Variants in DRD4 observed in about 807,000 individuals in gnomAD.
The protein encoded by DRD4 is dopamine receptor D4.
DRD4 carries 26 observed loss-of-function variants against 22.1 expected under a neutral mutation model. That is an observed-to-expected ratio of 1.17 (90% CI 0.86 to 1.63). DRD4 has a LOEUF of 1.63. DRD4 is among the 40% of genes most tolerant of loss of function. The pLI is 0.00. For missense variants in DRD4, 913 were observed against 632.4 expected (o/e 1.44, Z -4.76); for synonymous variants, 455 against 306.7 (o/e 1.48, Z -5.05).
chr11:640,310 G>T lies in DRD4; in HGVS notation c.1057+4G>T. ...AGGGTCCTGCCGGTGGTGGTCGGTGGGTTCCTGTCCTGAGGGGCGGGGAGG... is the reference window on the plus strand; with the variant it reads ...AGGGTCCTGCCGGTGGTGGTCGGTGTGTTCCTGTCCTGAGGGGCGGGGAGG... On this transcript the variant is annotated splice_donor_region_variant and intron_variant, in intron 3 of 3. Coordinates refer to ENST00000176183, the MANE Select transcript of DRD4 (RefSeq NM_000797.4). 6.5e-7 allele frequency: 1 copy of T among 1,539,768 alleles called. No homozygotes were observed. The highest frequency in any genetic ancestry group is 2.4e-5 in the East Asian group (1 of 41,592).
At chr11:638,355 G>A (rs773703488) in intron 1 of DRD4, among the ~76,000 whole-genome samples, 3 of 152,180 alleles carry the variant, frequency 2.0e-5, no homozygotes, top group Admixed American at 1.3e-4. Flanking sequence ...AGGCGGCTGG[G>A]GCAGAGACCA....
intron 1 of DRD4, among the ~76,000 whole-genome samples, chr11:638,438 A>G (rs1428062459): frequency 6.6e-6 from 1 of 151,964 alleles, no homozygotes; most frequent in Non-Finnish European, 1.5e-5. Flanking sequence ...TAAGCTCCTA[A>G]TCTCCCCAAA....
In DRD4 at chr11:639,973, G is replaced by T; in HGVS notation, c.724G>T (p.Gly242Cys). The change falls in exon 3 of 4, where the codon GGC (glycine) becomes TGC (cysteine). Residue 242 changes from glycine (G) to cysteine (C), a missense_variant. Physicochemically the swap from Gly to Cys is radical, Grantham distance 159. Coordinates refer to ENST00000176183, the MANE Select transcript of DRD4 (RefSeq NM_000797.4). ...CGCGCCCCGCCGACCCAGCGGCCCTGGCCCGCCTTCCCCCACGCCACCCGC... is the reference window on the plus strand; with the variant it reads ...CGCGCCCCGCCGACCCAGCGGCCCTTGCCCGCCTTCCCCCACGCCACCCGC... Reference protein sequence around the residue: ...GRAPRRPSGPGPPSPTPPAPR... With the variant: ...GRAPRRPSGPCPPSPTPPAPR... The T allele has an allele frequency of 7.2e-7, 1 of 1,393,784 alleles. No homozygotes were observed. Among genetic ancestry groups the T allele is most frequent in the East Asian group, 3.0e-5 (1 of 33,380 alleles). The allele number at this position is 1,393,784 out of a possible 1,614,324, so 86.3% of individuals were successfully genotyped here. A position where few individuals can be genotyped will look rare whatever the true frequency, so the allele number is the denominator to read the frequency against.
rs1406130327 is a variant in DRD4 at position 637,409 on chromosome 11, G to A, written c.105G>A (p.Ala35=). 24 of 1,496,532 alleles carry A rather than the reference G, an allele frequency of 1.6e-5. No homozygotes were observed. Among genetic ancestry groups the A allele is most frequent in the South Asian group, 5.1e-5 (4 of 78,744 alleles). 92.7% of individuals were successfully genotyped at this position (1,496,532 alleles called of 1,614,324 possible). The change falls in exon 1 of 4, where the codon GCG becomes GCA. Residue 35 remains alanine (A), a synonymous_variant. Transcript: ENST00000176183. ...CTGCGGGGCTGGCTGGGCAGGGCGC[G>A]GCGGCGCTGGTGGGGGGCGTGCTGC... ...GASAGLAGQG[A]AALVGGVLLI...
Position 637,393 on chromosome 11 carries a change from T to G in DRD4, c.89T>G (p.Leu30Arg), listed in dbSNP as rs980899955. The G allele has an allele frequency of 2.1e-6, 3 of 1,453,838 alleles. No individual in the cohort carries two copies. In the African/African-American group the frequency reaches 4.4e-5, roughly 22 times the overall value. 90.1% of individuals were successfully genotyped at this position (1,453,838 alleles called of 1,614,324 possible). The change falls in exon 1 of 4, where the codon CTG becomes CGG. Residue 30 changes from leucine (L) to arginine (R), a missense_variant. Coordinates refer to ENST00000176183, the MANE Select transcript of DRD4 (RefSeq NM_000797.4). ...AGASAGASAG[L>R]AGQGAAALVG... is the part of the protein sequence containing the mutation. Reference sequence around the variant, plus strand: ...GCATCTGCGGGGGCATCTGCGGGGCTGGCTGGGCAGGGCGCGGCGGCGCTG... The same window carrying G: ...GCATCTGCGGGGGCATCTGCGGGGCGGGCTGGGCAGGGCGCGGCGGCGCTG...
At chr11:638,529 TGGGCACG>T (rs1306135406) in intron 1 of DRD4, among the ~76,000 whole-genome samples, 1 of 152,226 alleles carries the variant, frequency 6.6e-6, no homozygotes, top group Non-Finnish European at 1.5e-5. Context: ...CGCTGGGCAC[TGGGCACG>T]GTCTTCATAT....
intron 1 of DRD4, 65 bp from the exon 2 acceptor site, chr11:639,368 T>TG (rs12720404): frequency 0.12 from 169,810 of 1,369,974 alleles, 5,084 homozygotes; most frequent in Middle Eastern, 0.21. Context: ...CCCATAAGAG[T>TG]GGGGGCGGGT....
rs201886833 is a variant in DRD4 at position 640,417 on chromosome 11, C to T, written c.1074C>T (p.Cys358=). The T allele has an allele frequency of 6.2e-7, 1 of 1,600,164 alleles. No individual in the cohort carries two copies. The highest frequency in any genetic ancestry group is 8.5e-7 in the Non-Finnish European group (1 of 1,179,692). ...CGCCCCCAGGGGCCTTCCTGCTGTGCTGGACGCCCTTCTTCGTGGTGCACA... is the reference window on the plus strand; with the variant it reads ...CGCCCCCAGGGGCCTTCCTGCTGTGTTGGACGCCCTTCTTCGTGGTGCACA... ...LPVVVGAFLL[C]WTPFFVVHIT... Residue 358 remains cysteine (C), a synonymous_variant, in exon 4 of 4, where the codon TGC becomes TGT. Transcript: ENST00000176183.
chr11:638,244 G>A (rs534444900), intron 1 of DRD4, among the ~76,000 whole-genome samples: 1 of 152,308 alleles, frequency 6.6e-6, no homozygotes, highest in African/African-American at 2.4e-5. Context: ...CAGCCCCTCT[G>A]CGGCCAGAGA....
At chr11:637,642 C>T (rs1858094518) in intron 1 of DRD4, 53 bp downstream of exon 1, 2 of 1,535,520 alleles carry the variant, frequency 1.3e-6, no homozygotes, top group South Asian at 1.2e-5. Flanking sequence ...GGTTCCCCGT[C>T]CCTGTCCCTA....
chr11:639,370 G>C (rs1488246213), intron 1 of DRD4, 63 bp from the exon 2 acceptor site: 13 of 1,363,036 alleles, frequency 9.5e-6, no homozygotes, highest in South Asian at 4.9e-5. Flanking sequence ...CATAAGAGTG[G>C]GGGCGGGTCA....
rs1446886265 is a variant in DRD4 at position 637,274 on chromosome 11, C to T, written c.-31C>T. ...TCCCCGGCTTGCGACCCGGCGTTGT[C>T]CGCGGTGCTCAGCGCCCGCCCGGGC... On this transcript the variant is annotated 5_prime_UTR_variant, in exon 1 of 4. Transcript: ENST00000176183. 1 of 1,171,546 alleles carries T rather than the reference C, an allele frequency of 8.5e-7. No individual in the cohort carries two copies. Among genetic ancestry groups the T allele is most frequent in the Non-Finnish European group, 1.1e-6 (1 of 950,318 alleles). The allele number at this position is 1,171,546 out of a possible 1,614,324, so 72.6% of individuals were successfully genotyped here. A position where few individuals can be genotyped will look rare whatever the true frequency, so the allele number is the denominator to read the frequency against.
chr11:639,633 C>G lies in DRD4; in HGVS notation c.399-15C>G. 2 of 1,421,488 alleles carry G rather than the reference C, an allele frequency of 1.4e-6. No individual in the cohort carries two copies. The highest frequency in any genetic ancestry group is 1.8e-6 in the Non-Finnish European group (2 of 1,086,966). 88.1% of individuals were successfully genotyped at this position (1,421,488 alleles called of 1,614,324 possible). ...GCCTGTGCGCTGTCCGGCGCCCCCT[C>G]GGCGCTCCCCGCAGGTTCGTGGCCG... On this transcript the variant is annotated splice_polypyrimidine_tract_variant and intron_variant, in intron 2 of 3. Coordinates refer to ENST00000176183, the MANE Select transcript of DRD4 (RefSeq NM_000797.4).
intron 1 of DRD4, 142 bp downstream of exon 1, chr11:637,731 C>T (rs1858096688): frequency 7.6e-6 from 11 of 1,449,912 alleles, no homozygotes; most frequent in Admixed American, 2.0e-5. Flanking sequence ...TGCGCCTTGT[C>T]CCTCGGCGAT....
rs1228579181 is a variant in DRD4, at chr11:640,620, C to T, written c.*17C>T. Reference sequence around the variant, plus strand: ...TGCTGCTGAGCCGGGCACCCCCGGACGCCCCCCGGCCTGATGGCCAGGCCT... The same window carrying T: ...TGCTGCTGAGCCGGGCACCCCCGGATGCCCCCCGGCCTGATGGCCAGGCCT... On this transcript the variant is annotated 3_prime_UTR_variant, in exon 4 of 4. Coordinates refer to ENST00000176183, the MANE Select transcript of DRD4 (RefSeq NM_000797.4). 6.3e-7 allele frequency: 1 copy of T among 1,598,782 alleles called. No homozygotes were observed. Among genetic ancestry groups the T allele is most frequent in the Non-Finnish European group, 8.5e-7 (1 of 1,179,734 alleles).
rs1444051755 is a variant in DRD4 at position 639,663 on chromosome 11, C to T, written c.414C>T (p.Ala138=). 6.2e-6 allele frequency: 9 copies of T among 1,463,282 alleles called. No homozygotes were observed. Among genetic ancestry groups the T allele is most frequent in the Non-Finnish European group, 8.1e-6 (9 of 1,111,938 alleles). The allele number at this position is 1,463,282 out of a possible 1,614,324, so 90.6% of individuals were successfully genotyped here. A position where few individuals can be genotyped will look rare whatever the true frequency, so the allele number is the denominator to read the frequency against. The part of the protein sequence containing the change: ...AISVDRFVAV[A]VPLRYNRQGG... ...CTCCCCGCAGGTTCGTGGCCGTGGCCGTGCCGCTGCGCTACAACCGGCAGG... is the reference window on the plus strand; with the variant it reads ...CTCCCCGCAGGTTCGTGGCCGTGGCTGTGCCGCTGCGCTACAACCGGCAGG... Residue 138 remains alanine (A), a synonymous_variant, in exon 3 of 4, where the codon GCC becomes GCT. Transcript: ENST00000176183.
chr11:637,658 G>A (rs1858095042), intron 1 of DRD4, 69 bp downstream of exon 1: 8 of 1,532,452 alleles, frequency 5.2e-6, no homozygotes, highest in African/African-American at 2.7e-5. Flanking sequence ...CCCTACGGAG[G>A]ACCCGGCGCG....
At chr11:638,897 C>T (rs1383465880) in intron 1 of DRD4, among the ~76,000 whole-genome samples, 2 of 152,198 alleles carry the variant, frequency 1.3e-5, no homozygotes, top group Non-Finnish European at 2.9e-5. Context: ...GCCTGGGAAA[C>T]ATACCAGGCC....
At chr11:637,763 C>A (rs1179636491) in intron 1 of DRD4, among the ~76,000 whole-genome samples, 174 bp downstream of exon 1, 1 of 149,766 alleles carries the variant, frequency 6.7e-6, no homozygotes, top group African/African-American at 2.6e-5. Context: ...CGCCACCTCG[C>A]GACCTTCCAC....
Sources: allele counts gnomAD v4.1 joint callset (sites outside exome capture counted in the v4.1 genomes callset), GRCh38; gene constraint gnomAD v4.1.1; transcripts MANE v1.5; gene names NCBI Gene and HGNC (gene_info 2026-07-23, HGNC 2026-07-21).